Variants in LDLRAD3 observed in about 807,000 individuals in gnomAD.
LDLRAD3 encodes the protein low density lipoprotein receptor class A domain containing 3, also known as low-density lipoprotein receptor class A domain-containing protein 3.
LDLRAD3 carries 20 observed loss-of-function variants against 29.4 expected under a neutral mutation model. The observed-to-expected ratio is 0.68, with a 90% CI of 0.48 to 0.99. LDLRAD3 has a LOEUF of 0.99. LDLRAD3 is among the 50% of genes least tolerant of loss of function. LDLRAD3 has a pLI of 0.00. For missense variants in LDLRAD3, 420 were observed against 454.3 expected (o/e 0.92, Z 0.69); for synonymous variants, 157 against 192.7 (o/e 0.81, Z 1.53).
At chr11:36,167,648 G>GA (rs1054277862) in intron 4 of LDLRAD3, among the ~76,000 whole-genome samples, 1 of 152,170 alleles carries the variant, frequency 6.6e-6, no homozygotes, top group African/African-American at 2.4e-5. Context: ...CAGCAGCGAG[G>GA]AAGAGACAAG....
At chr11:36,227,844 T>C (rs1855521990) in intron 5 of LDLRAD3, among the ~76,000 whole-genome samples, 1 of 152,230 alleles carries the variant, frequency 6.6e-6, no homozygotes, top group African/African-American at 2.4e-5. Flanking sequence ...CCTCACCTGC[T>C]ACTGCAGAGC....
intron 1 of LDLRAD3, among the ~76,000 whole-genome samples, chr11:35,957,750 C>T (rs143931054): frequency 0.013 from 1,756 of 137,862 alleles, 37 homozygotes; most frequent in African/African-American, 0.046. Context: ...GAGCTGAGAT[C>T]GTGCCATTGC....
At chr11:36,079,128 C>T (rs1277362962) in intron 2 of LDLRAD3, among the ~76,000 whole-genome samples, 1 of 152,210 alleles carries the variant, frequency 6.6e-6, no homozygotes, top group Non-Finnish European at 1.5e-5. Flanking sequence ...CCACAGCTCA[C>T]GCTTCCTTAC....
chr11:36,082,948 G>GCCTT, intron 3 of LDLRAD3, among the ~76,000 whole-genome samples: 1 of 152,206 alleles, frequency 6.6e-6, no homozygotes, highest in Middle Eastern at 3.4e-3. Context: ...GACTACTTGA[G>GCCTT]CATTCATAAT....
intron 4 of LDLRAD3, among the ~76,000 whole-genome samples, chr11:36,186,526 T>C (rs1418108099): frequency 2.0e-5 from 3 of 152,186 alleles, no homozygotes; most frequent in Non-Finnish European, 4.4e-5. Context: ...ACTGATTGCA[T>C]GTGTGGTCTA....
At chr11:35,963,651 G>GT (rs1435386786) in intron 1 of LDLRAD3, among the ~76,000 whole-genome samples, 3 of 152,164 alleles carry the variant, frequency 2.0e-5, no homozygotes, top group Non-Finnish European at 4.4e-5. Flanking sequence ...ATACCCACAT[G>GT]TAAACACTAC....
rs1270228500 is a variant in LDLRAD3 at position 36,191,540 on chromosome 11, C to CTCTG, written c.455-35542_455-35541insGTCT. On this transcript the variant is annotated intron_variant, in intron 4 of 5. Transcript: ENST00000315571. The stretch of plus-strand genomic sequence containing the variant: ...CCTGGGTGACAGAGCAAGACCCTGT[C>CTCTG]TCTCTCTCTCTCTCTCTCTCTCTCT... Among the ~76,000 whole-genome samples the CTCTG allele has an allele frequency of 1.0e-3, 47 of 47,124 alleles. 1 individual carries two copies. The highest frequency in any genetic ancestry group is 4.5e-3 in the African/African-American group (44 of 9,758). 30.9% of individuals were successfully genotyped at this position (47,124 alleles called of 152,430 possible). A position where few individuals can be genotyped will look rare whatever the true frequency, so the allele number is the denominator to read the frequency against.
intron 4 of LDLRAD3, among the ~76,000 whole-genome samples, chr11:36,108,680 G>A (rs977318889): frequency 1.3e-5 from 2 of 152,134 alleles, no homozygotes; most frequent in Non-Finnish European, 2.9e-5. Flanking sequence ...AGAGAGAATG[G>A]CAGGTAAGCA....
chr11:35,944,363 G>T lies in LDLRAD3; in HGVS notation c.46+219G>T, dbSNP rs1485374191. ...ATTGTGTGGGCGTGCGCGCCGGGTC[G>T]TGTTGTGCTGTGTGCGCGGGCGGGG... On this transcript the variant is annotated intron_variant, in intron 1 of 5. Transcript: ENST00000315571. This position sits in a 1 kb window ranked among gnomAD's most constrained non-coding sequence, Gnocchi z 4.9. Among the ~76,000 whole-genome samples the T allele has an allele frequency of 1.3e-5, 2 of 152,042 alleles. No individual in the cohort carries two copies. The highest frequency in any genetic ancestry group is 2.4e-5 in the African/African-American group (1 of 41,436).
intron 4 of LDLRAD3, among the ~76,000 whole-genome samples, chr11:36,122,392 C>T (rs1319337384): frequency 6.6e-6 from 1 of 152,086 alleles, no homozygotes; most frequent in African/African-American, 2.4e-5. Context: ...GCCACCTCCC[C>T]AAGCCTCAGA....
At chr11:35,967,852 A>G (rs912128266) in intron 1 of LDLRAD3, 13 of 414,372 alleles carry the variant, frequency 3.1e-5, no homozygotes, top group Non-Finnish European at 4.3e-5. Flanking sequence ...GAATGATCAT[A>G]TGGTTATCTT....
chr11:36,158,213 C>T (rs1854382291), intron 4 of LDLRAD3, among the ~76,000 whole-genome samples: 1 of 152,158 alleles, frequency 6.6e-6, no homozygotes, highest in South Asian at 2.1e-4. Context: ...GTTATGAGAG[C>T]TGCCTCAGCT....
intron 4 of LDLRAD3, among the ~76,000 whole-genome samples, chr11:36,220,549 G>T (rs1421521631): frequency 6.6e-6 from 1 of 152,168 alleles, no homozygotes; most frequent in Non-Finnish European, 1.5e-5. Context: ...AGTGAAAGAA[G>T]TCAGATGGAA....
At chr11:36,030,534 T>C (rs915063801) in intron 1 of LDLRAD3, among the ~76,000 whole-genome samples, 1 of 152,102 alleles carries the variant, frequency 6.6e-6, no homozygotes, top group African/African-American at 2.4e-5. Context: ...CTCATGACAC[T>C]ATGTTTGTTG....
intron 4 of LDLRAD3, among the ~76,000 whole-genome samples, chr11:36,117,979 A>G (rs892336459): frequency 6.6e-6 from 1 of 152,202 alleles, no homozygotes; most frequent in Non-Finnish European, 1.5e-5. Context: ...CCTGGAGAAT[A>G]TCTAGTTATA....
chr11:36,097,860 T>C, intron 3 of LDLRAD3, among the ~76,000 whole-genome samples: 1 of 152,066 alleles, frequency 6.6e-6, no homozygotes, highest in Non-Finnish European at 1.5e-5. Context: ...TTAAAAAGAA[T>C]TCCAAAAGCA....
chr11:36,035,650 T>C (rs767328264), intron 1 of LDLRAD3, among the ~76,000 whole-genome samples: 14 of 152,152 alleles, frequency 9.2e-5, no homozygotes, highest in Non-Finnish European at 1.8e-4. Flanking sequence ...TCCTTCCAAC[T>C]TGGCCCAACT....
chr11:36,224,627 A>G (rs574758415), intron 4 of LDLRAD3, among the ~76,000 whole-genome samples: 1 of 152,146 alleles, frequency 6.6e-6, no homozygotes, highest in Non-Finnish European at 1.5e-5. Flanking sequence ...GCAATGAATC[A>G]TTGAAAGAGT....
chr11:35,988,585 AT>A (rs61566157), intron 1 of LDLRAD3, among the ~76,000 whole-genome samples: 3 of 148,450 alleles, frequency 2.0e-5, no homozygotes, highest in South Asian at 2.1e-4. Context: ...CCACTTGTCA[AT>A]TTTTTTTTTG....
Sources: gnomAD v4.1 joint callset for allele counts (sites outside exome capture counted in the v4.1 genomes callset) on GRCh38, gnomAD v4.1.1 for gene constraint, Gnocchi (gnomAD v3.1) non-coding constraint, MANE v1.5 for transcripts, NCBI Gene and HGNC (gene_info 2026-07-23, HGNC 2026-07-21) for gene names.